IPO11: variants seen among roughly 807,000 people sequenced by gnomAD.
IPO11 encodes importin-11.
In IPO11, 66 loss-of-function variants were observed where a neutral mutation model predicts 143.2. That is an observed-to-expected ratio of 0.46 (90% CI 0.38 to 0.57). The LOEUF (loss-of-function observed/expected upper bound fraction) is 0.57. IPO11 is among the 20% of genes least tolerant of loss of function. The pLI, the probability that IPO11 is intolerant of heterozygous loss-of-function variation, is 0.00. For synonymous variants in IPO11, 385 were observed against 377.8 expected, an observed-to-expected ratio of 1.02 and a Z score of -0.22; for missense variants, 1,026 against 1,141.0, an observed-to-expected ratio of 0.90 and a Z score of 1.45.
chr5:62,582,042 G>T (rs565436215), intron 27 of IPO11, among the ~76,000 whole-genome samples: 1 of 152,162 alleles, frequency 6.6e-6, no homozygotes, highest in East Asian at 1.9e-4. Context: ...GATGGTGTGC[G>T]ATTTAAAGCC....
intron 27 of IPO11, among the ~76,000 whole-genome samples, chr5:62,565,945 A>G (rs1743923798): frequency 1.3e-5 from 2 of 152,150 alleles, no homozygotes; most frequent in African/African-American, 4.8e-5. Flanking sequence ...ATGTCCCTGC[A>G]AAGGACATGA....
At chr5:62,616,435 A>G (rs753618385) in intron 29 of IPO11, among the ~76,000 whole-genome samples, 1 of 152,156 alleles carries the variant, frequency 6.6e-6, no homozygotes, top group Non-Finnish European at 1.5e-5. Context: ...CTGATCTGTG[A>G]TAAAAACCAA....
At chr5:62,553,363 T>TGTGTGA (rs971701273) in intron 26 of IPO11, among the ~76,000 whole-genome samples, 1 of 151,542 alleles carries the variant, frequency 6.6e-6, no homozygotes, top group African/African-American at 2.4e-5. Context: ...TGTGTGTGTG[T>TGTGTGA]GATATTTTCT....
chr5:62,435,062 G>GTA (rs1300928354), intron 1 of IPO11, among the ~76,000 whole-genome samples: 29 of 106,778 alleles, frequency 2.7e-4, no homozygotes, highest in African/African-American at 1.1e-3. Flanking sequence ...ATATATATAT[G>GTA]TATATATATG....
intron 5 of IPO11, among the ~76,000 whole-genome samples, chr5:62,462,755 G>T (rs1321789653): frequency 6.6e-6 from 1 of 152,036 alleles, no homozygotes; most frequent in South Asian, 2.1e-4. Flanking sequence ...ATGTAGGGTG[G>T]CAAATTCTCC....
chr5:62,614,389 T>C (rs376058363), intron 29 of IPO11, among the ~76,000 whole-genome samples: 16 of 152,364 alleles, frequency 1.1e-4, no homozygotes, highest in African/African-American at 3.8e-4. Flanking sequence ...GGGTACTATT[T>C]TGCCCTGCTC....
chr5:62,551,397 T>C (rs1392058965), intron 26 of IPO11, 61 bp downstream of exon 26: 1 of 910,682 alleles, frequency 1.1e-6, no homozygotes, highest in African/African-American at 1.7e-5. Flanking sequence ...TAGAAATAGT[T>C]TGATGAAATA....
chr5:62,544,116 A>T (rs545775818), intron 24 of IPO11, among the ~76,000 whole-genome samples: 36 of 152,332 alleles, frequency 2.4e-4, no homozygotes, highest in African/African-American at 8.4e-4. Flanking sequence ...GGCCAACATC[A>T]TCCTGATACC....
chr5:62,454,298 T>G (rs1745047311), intron 5 of IPO11, among the ~76,000 whole-genome samples: 1 of 152,236 alleles, frequency 6.6e-6, no homozygotes, highest in African/African-American at 2.4e-5. Flanking sequence ...CACTCAAGTC[T>G]TTCTGTGAAA....
At chr5:62,571,688 C>CTTT (rs545817315) in intron 27 of IPO11, among the ~76,000 whole-genome samples, 1 of 140,810 alleles carries the variant, frequency 7.1e-6, no homozygotes, top group South Asian at 2.3e-4. Context: ...CATTATTAAA[C>CTTT]TTTTTTTTTT....
At chr5:62,602,146 A>G (rs1745529183) in intron 29 of IPO11, among the ~76,000 whole-genome samples, 1 of 152,154 alleles carries the variant, frequency 6.6e-6, no homozygotes, top group African/African-American at 2.4e-5. Context: ...TGAAATGTTT[A>G]TTCTTCTGTT....
intron 21 of IPO11, among the ~76,000 whole-genome samples, chr5:62,527,740 A>G (rs1486462790): frequency 6.6e-6 from 1 of 152,222 alleles, no homozygotes; most frequent in Non-Finnish European, 1.5e-5. Context: ...ACATGCTAAT[A>G]AAAATAAATT....
At chr5:62,526,779 G>C (rs529048579) in intron 21 of IPO11, 1 of 152,446 alleles carries the variant, frequency 6.6e-6, no homozygotes, top group East Asian at 1.9e-4. Flanking sequence ...CGGTGTGTAA[G>C]CAACTGTGCT....
chr5:62,520,015 G>C (rs1742152708), intron 20 of IPO11, among the ~76,000 whole-genome samples: 1 of 152,174 alleles, frequency 6.6e-6, no homozygotes, highest in African/African-American at 2.4e-5. Flanking sequence ...TCAAATGTCA[G>C]ATCCCCCGAG....
At chr5:62,512,709 G>T (rs1257756629) in intron 19 of IPO11, among the ~76,000 whole-genome samples, 1 of 144,504 alleles carries the variant, frequency 6.9e-6, no homozygotes, top group African/African-American at 2.5e-5. Flanking sequence ...AGACAAACAA[G>T]TGAACAAAGG....
rs77849520 is a variant in IPO11, at chr5:62,457,535, T to C, written c.516+5602T>C. Reference sequence around the variant, plus strand: ...ACATGAATTATTTGGATGGTAAGGGTAAAAGAATGCTGTGTGGCAAGGTGA... The same window carrying C: ...ACATGAATTATTTGGATGGTAAGGGCAAAAGAATGCTGTGTGGCAAGGTGA... On this transcript the variant is annotated intron_variant, in intron 5 of 29. Transcript: ENST00000325324. 7.9e-3 allele frequency among the ~76,000 whole-genome samples: 1,203 copies of C among 152,088 alleles called. 20 individuals carry two copies. The highest frequency in any genetic ancestry group is 0.027 in the African/African-American group (1,139 of 41,486).
intron 28 of IPO11, among the ~76,000 whole-genome samples, chr5:62,592,603 G>A (rs1323585146): frequency 1.3e-5 from 2 of 152,112 alleles, no homozygotes; most frequent in African/African-American, 4.8e-5. Flanking sequence ...ATAAAGAACT[G>A]CCTGAGACTG....
intron 5 of IPO11, among the ~76,000 whole-genome samples, chr5:62,456,449 T>G (rs1745160332): frequency 6.6e-6 from 1 of 152,148 alleles, no homozygotes; most frequent in Non-Finnish European, 1.5e-5. Context: ...TGGAAGTATG[T>G]TAAAGTAAAT....
intron 8 of IPO11, 103 bp from the exon 9 acceptor site, chr5:62,476,580 A>G: frequency 8.0e-7 from 1 of 1,246,390 alleles, no homozygotes; most frequent in Non-Finnish European, 1.1e-6. Flanking sequence ...CATAATGCAA[A>G]ATATGCAAAA....
Sources: allele counts gnomAD v4.1 joint callset (sites outside exome capture counted in the v4.1 genomes callset), GRCh38; gene constraint gnomAD v4.1.1; transcripts MANE v1.5; gene names NCBI Gene and HGNC (gene_info 2026-07-23, HGNC 2026-07-21).